Variants in CD5 observed in about 807,000 individuals in gnomAD.
The protein encoded by CD5 is T-cell surface glycoprotein CD5.
Under a neutral mutation model 60.3 loss-of-function variants are expected in CD5, and 36 were observed. That is an observed-to-expected ratio of 0.60 (90% confidence interval 0.46 to 0.79). The LOEUF is 0.79. Ranked by LOEUF, CD5 falls within the 30% of genes least tolerant of loss-of-function variation. The probability of loss-of-function intolerance (pLI) is 0.00; values close to 1 mark genes in which losing one functional copy is unlikely to be tolerated. For missense variants in CD5, 540 were observed against 630.6 expected, an observed-to-expected ratio of 0.86 and a Z score of 1.54; for synonymous variants, 230 against 257.6, an observed-to-expected ratio of 0.89 and a Z score of 1.03.
At chr11:61,099,043 C>T (rs950277934), upstream of CD5, among the ~76,000 whole-genome samples, 8 of 151,820 alleles carry the variant, frequency 5.3e-5, no homozygotes, top group Non-Finnish European at 1.0e-4. Context: ...GAGGAAAAAA[C>T]GGAACCCAGC....
intron 5 of CD5, among the ~76,000 whole-genome samples, chr11:61,120,099 C>A (rs943287176): frequency 6.6e-6 from 1 of 152,034 alleles, no homozygotes; most frequent in Non-Finnish European, 1.5e-5. Flanking sequence ...TGCAGAGGGT[C>A]CTGCGCCGTG....
intron 2 of CD5, among the ~76,000 whole-genome samples, chr11:61,116,580 A>C (rs1590771273): frequency 1.9e-5 from 1 of 53,624 alleles, no homozygotes; most frequent in African/African-American, 7.0e-5. Context: ...CACCACACAC[A>C]CCACATGCAC....
upstream of CD5, among the ~76,000 whole-genome samples, chr11:61,100,433 TCA>T (rs1193018328): frequency 1.2e-4 from 15 of 123,648 alleles, no homozygotes; most frequent in African/African-American, 2.6e-4. Flanking sequence ...AACATGGAGA[TCA>T]CACACACACA....
upstream of CD5, chr11:61,102,421 C>G (rs550851325): frequency 6.3e-6 from 4 of 632,730 alleles, no homozygotes; most frequent in South Asian, 7.4e-5. Flanking sequence ...GACGCAGGCC[C>G]CACACTGCCT....
In CD5 at chr11:61,107,183, A is replaced by G. The variant is rs1031923455; in HGVS notation, c.55+4568A>G. Among the ~76,000 whole-genome samples, 6 of 152,134 alleles carry G rather than the reference A, an allele frequency of 3.9e-5. 1 individual carries two copies. Among genetic ancestry groups the G allele is most frequent in the African/African-American group, 1.4e-4 (6 of 41,424 alleles). ...ATTCAGCGGCTCTCATGAGAAGATG[A>G]TATTTGAGTCAATATTTGAAAGAAG... On this transcript the variant is annotated intron_variant, in intron 1 of 10. Transcript: ENST00000347785.
Position 61,123,743 on chromosome 11 carries a change from G to A in CD5, c.1226-141G>A, listed in dbSNP as rs970556514. The A allele has an allele frequency of 1.2e-5, 8 of 686,612 alleles. No individual in the cohort carries two copies. The African/African-American group carries it at 1.2e-4, about 11-fold the overall frequency. The allele number at this position is 686,612 out of a possible 1,614,324, so 42.5% of individuals were successfully genotyped here. ...ACTGAGGCCTACGAGAGACTCCAGGGGGCAGAGCCCAGCAGCCCTGCCCTC... is the reference window on the plus strand; with the variant it reads ...ACTGAGGCCTACGAGAGACTCCAGGAGGCAGAGCCCAGCAGCCCTGCCCTC... On this transcript the variant is annotated intron_variant, in intron 7 of 10. Transcript: ENST00000347785.
chr11:61,122,569 T>C (rs1490265982), intron 6 of CD5, among the ~76,000 whole-genome samples: 3 of 151,454 alleles, frequency 2.0e-5, no homozygotes, highest in Non-Finnish European at 3.0e-5. Context: ...CCGCTGGCTA[T>C]TGGTATGCAA....
At chr11:61,107,287 G>A (rs12288100) in intron 1 of CD5, among the ~76,000 whole-genome samples, 4,953 of 152,226 alleles carry the variant, frequency 0.033, 270 homozygotes, top group African/African-American at 0.11. Context: ...GTGGGGGATC[G>A]ATGAGGCAGC....
intron 5 of CD5, among the ~76,000 whole-genome samples, chr11:61,119,856 CAGG>C (rs1861030205): frequency 6.6e-6 from 1 of 152,080 alleles, no homozygotes; most frequent in African/African-American, 2.4e-5. Flanking sequence ...GCAGGACTTC[CAGG>C]AGGAGGCAAG....
At chr11:61,103,842 G>A (rs1860739130) in intron 1 of CD5, among the ~76,000 whole-genome samples, 1 of 122,624 alleles carries the variant, frequency 8.2e-6, no homozygotes, top group Non-Finnish European at 1.7e-5. Context: ...AGTACTGTGT[G>A]GGGGGGAATG....
chr11:61,121,817 C>A lies in CD5; in HGVS notation c.1012C>A (p.Arg338=), dbSNP rs62641695. The change falls in exon 6 of 11, where the codon CGG becomes AGG. Residue 338 remains arginine (R), a synonymous_variant. Transcript: ENST00000347785. ...RVLDAGDPTS[R]GLFCPHQKLS... ...GCTGGACGCTGGTGACCCAACATCC[C>A]GGGGGCTCTTCTGTCCCCATCAGAA... The A allele has an allele frequency of 8.7e-6, 14 of 1,608,080 alleles. No homozygotes were observed. In the African/African-American group the frequency reaches 1.7e-4, roughly 20 times the overall value.
intron 1 of CD5, among the ~76,000 whole-genome samples, chr11:61,107,565 G>T (rs949056085): frequency 9.9e-5 from 15 of 152,218 alleles, no homozygotes; most frequent in Non-Finnish European, 1.0e-4. Flanking sequence ...AGTGAAACAT[G>T]AATTTGCACA....
At chr11:61,125,651 C>A in intron 9 of CD5, 100 bp from the exon 10 acceptor site, 1 of 702,038 alleles carries the variant, frequency 1.4e-6, no homozygotes, top group Non-Finnish European at 2.4e-6. Flanking sequence ...GCTCATAAAG[C>A]CCCTGTGATC....
the CD5 span, among the ~76,000 whole-genome samples, chr11:61,094,548 A>C: frequency 6.6e-6 from 1 of 151,840 alleles, no homozygotes; most frequent in African/African-American, 2.4e-5. Flanking sequence ...CTTGTCTTGG[A>C]TTGCTTGATA....
intron 9 of CD5, 75 bp downstream of exon 9, chr11:61,125,226 T>C (rs781106146): frequency 1.8e-5 from 28 of 1,555,610 alleles, no homozygotes; most frequent in Non-Finnish European, 2.5e-5. Context: ...CGTGATGCCC[T>C]TGAAGGTCGG....
At chr11:61,113,892 A>ACT (rs1860896347) in intron 1 of CD5, among the ~76,000 whole-genome samples, 1 of 152,170 alleles carries the variant, frequency 6.6e-6, no homozygotes, top group African/African-American at 2.4e-5. Context: ...CCAGTCTCAA[A>ACT]CTCCTGACCT....
intron 1 of CD5, among the ~76,000 whole-genome samples, chr11:61,103,484 G>A (rs1205231205): frequency 6.6e-6 from 1 of 152,246 alleles, no homozygotes; most frequent in Non-Finnish European, 1.5e-5. Context: ...GCCTGAGCAG[G>A]GAGCCTCAGC....
At chr11:61,111,958 C>T (rs1193897244) in intron 1 of CD5, among the ~76,000 whole-genome samples, 1 of 152,210 alleles carries the variant, frequency 6.6e-6, no homozygotes, top group Admixed American at 6.5e-5. Flanking sequence ...GTGAGGAAAT[C>T]GTGGCTTGGA....
intron 1 of CD5, among the ~76,000 whole-genome samples, chr11:61,106,856 C>G (rs1860784898): frequency 6.6e-6 from 1 of 152,140 alleles, no homozygotes; most frequent in African/African-American, 2.4e-5. Context: ...CTTGCTGTGT[C>G]CACCTCAAAA....
Sources: gnomAD v4.1 joint callset for allele counts (sites outside exome capture counted in the v4.1 genomes callset) on GRCh38, gnomAD v4.1.1 for gene constraint, MANE v1.5 for transcripts, NCBI Gene and HGNC (gene_info 2026-07-23, HGNC 2026-07-21) for gene names.